Variants in HNRNPDL observed in about 807,000 individuals in gnomAD.
The protein encoded by HNRNPDL is heterogeneous nuclear ribonucleoprotein D-like.
A neutral mutation model predicts 48.0 loss-of-function variants in HNRNPDL; 18 were observed. The ratio of observed to expected loss-of-function variants is 0.38; its 90% CI spans 0.26 to 0.56. The LOEUF is 0.56. HNRNPDL is among the 20% of genes least tolerant of loss of function. HNRNPDL has a pLI of 0.77. For missense variants in HNRNPDL, 553 were observed against 540.7 expected (o/e 1.02, Z -0.23); for synonymous variants, 306 against 207.3 (o/e 1.48, Z -4.09).
At position 82,424,735 on chromosome 4, in the gene HNRNPDL, AAAC is replaced by A. The variant is rs1721347312; in HGVS notation, c.*168_*170del. 6.6e-6 allele frequency: 1 copy of A among 152,608 alleles called. No homozygotes were observed. The highest frequency in any genetic ancestry group is 6.5e-5 in the Admixed American group (1 of 15,294). 9.5% of individuals were successfully genotyped at this position (152,608 alleles called of 1,614,324 possible). A position where few individuals can be genotyped will look rare whatever the true frequency, so the allele number is the denominator to read the frequency against. Reference sequence around the variant, plus strand: ...ACACAGATAGCAAAGGACAAAGTAAAAACAAAGAAAACTAATTGGCAGCTATAT... The same window carrying A: ...ACACAGATAGCAAAGGACAAAGTAAAAAAGAAAACTAATTGGCAGCTATAT... On this transcript the variant is annotated 3_prime_UTR_variant, in exon 8 of 8. Coordinates refer to ENST00000295470, the MANE Select transcript of HNRNPDL (RefSeq NM_031372.4).
At chr4:82,426,745 A>G (rs1721428212) in intron 5 of HNRNPDL, 112 bp from the exon 6 acceptor site, 2 of 832,878 alleles carry the variant, frequency 2.4e-6, no homozygotes, top group African/African-American at 1.7e-5. Context: ...GAATGGACAT[A>G]TATATTGCTA....
Position 82,426,652 on chromosome 4 carries a change from A to G in HNRNPDL, c.1022-19T>C. 5.6e-6 allele frequency: 9 copies of G among 1,609,098 alleles called. No individual in the cohort carries two copies. Among genetic ancestry groups the G allele is most frequent in the Non-Finnish European group, 7.7e-6 (9 of 1,176,074 alleles). ...CCCTGACCTGAAACAATGCACAATGATTGTTAGGAAACAACTTCTGACCCC... is the reference window on the plus strand; with the variant it reads ...CCCTGACCTGAAACAATGCACAATGGTTGTTAGGAAACAACTTCTGACCCC... On this transcript the variant is annotated intron_variant, in intron 5 of 7. Coordinates refer to ENST00000295470, the MANE Select transcript of HNRNPDL (RefSeq NM_031372.4).
chr4:82,429,103 C>T, intron 1 of HNRNPDL, 145 bp downstream of exon 1: 2 of 744,746 alleles, frequency 2.7e-6, no homozygotes, highest in East Asian at 2.6e-5. Flanking sequence ...CTCTTACTTT[C>T]CTCTTCCCTC....
rs1447722708 is a variant in HNRNPDL, at chr4:82,429,587, G to GGCGGCC, written c.98_103dup (p.Arg33_Pro34dup). 102 of 1,379,682 alleles carry GGCGGCC rather than the reference G, an allele frequency of 7.4e-5. No homozygotes were observed. In the African/African-American group the frequency reaches 1.2e-3, roughly 17 times the overall value. 85.5% of individuals were successfully genotyped at this position (1,379,682 alleles called of 1,614,324 possible). ...AGGGAGGAGCGGGGCTAGCTGCCGC[G>GGCGGCC]GCGGCCGCGGCCGCCAATGGGAGAG... On this transcript the variant is annotated inframe_insertion, in exon 1 of 8. Coordinates refer to ENST00000295470, the MANE Select transcript of HNRNPDL (RefSeq NM_031372.4).
At chr4:82,428,548 A>G in intron 1 of HNRNPDL, 102 bp from the exon 2 acceptor site, 2 of 859,994 alleles carry the variant, frequency 2.3e-6, no homozygotes, top group Non-Finnish European at 3.5e-6. Flanking sequence ...TTACCCCCTA[A>G]GTGTAGGCAA....
chr4:82,429,144 G>A (rs1001292739), intron 1 of HNRNPDL, 104 bp downstream of exon 1: 4 of 1,062,870 alleles, frequency 3.8e-6, no homozygotes, highest in Admixed American at 1.7e-5. Context: ...GGCACGCGGG[G>A]AATCGACTCT....
chr4:82,429,199 G>T, intron 1 of HNRNPDL, 49 bp downstream of exon 1: 1 of 1,560,704 alleles, frequency 6.4e-7, no homozygotes, highest in Non-Finnish European at 8.8e-7. Flanking sequence ...AACGAAGGGC[G>T]CGTGCGGCGC....
In HNRNPDL at chr4:82,429,398, G is replaced by A. The variant is rs781616451; in HGVS notation, c.293C>T (p.Ser98Phe). ...RHFKSSSIQR[S>F]AAAAAATRTA... ...CCGGGTCGCGGCAGCAGCGGCGGCG[G>A]AGCGTTGTATGGAGCTGGATTTAAA... is the stretch of plus-strand genomic sequence containing the variant. The change falls in exon 1 of 8, where the codon TCC (serine) becomes TTC (phenylalanine). Residue 98 changes from serine to phenylalanine, a missense_variant. This residue lies in a region of HNRNPDL where 327 missense variants were observed against 203.2 expected (regional missense o/e 1.61). Coordinates refer to ENST00000295470, the MANE Select transcript of HNRNPDL (RefSeq NM_031372.4). The A allele has an allele frequency of 2.5e-6, 4 of 1,613,460 alleles. No individual in the cohort carries two copies. Among genetic ancestry groups the A allele is most frequent in the Non-Finnish European group, 3.4e-6 (4 of 1,179,828 alleles).
At chr4:82,427,687 G>C in intron 3 of HNRNPDL, 123 bp from the exon 4 acceptor site, 1 of 831,728 alleles carries the variant, frequency 1.2e-6, no homozygotes, top group East Asian at 2.5e-5. Context: ...CTTCTATACA[G>C]ACATCACTGC....
Position 82,423,449 on chromosome 4 carries a change from CAA to C in HNRNPDL, c.*1455_*1456del, listed in dbSNP as rs757652663. 1.3e-5 allele frequency: 2 copies of C among 151,154 alleles called. No homozygotes were observed. Among genetic ancestry groups the C allele is most frequent in the African/African-American group, 4.9e-5 (2 of 41,072 alleles). The allele number at this position is 151,154 out of a possible 1,614,324, so 9.4% of individuals were successfully genotyped here. Reference sequence around the variant, plus strand: ...AAGTTTAAGAATAGCAAAACAGCAGCAAAAAAGAGGCCAAGAGCATTATAATG... The same window carrying C: ...AAGTTTAAGAATAGCAAAACAGCAGCAAAAGAGGCCAAGAGCATTATAATG... On this transcript the variant is annotated 3_prime_UTR_variant, in exon 8 of 8. Coordinates refer to ENST00000295470, the MANE Select transcript of HNRNPDL (RefSeq NM_031372.4).
chr4:82,429,310 G>A lies in HNRNPDL; in HGVS notation c.381C>T (p.Ser127=), dbSNP rs779169039. 6.2e-7 allele frequency: 1 copy of A among 1,613,890 alleles called. No homozygotes were observed. Among genetic ancestry groups the A allele is most frequent in the East Asian group, 2.2e-5 (1 of 44,858 alleles). Residue 127 remains serine, a synonymous_variant, in exon 1 of 8, where the codon AGC becomes AGT. Coordinates refer to ENST00000295470, the MANE Select transcript of HNRNPDL (RefSeq NM_031372.4). ...SVTMEDMNEY[S]NIEEFAEGSK... ...ATCCCTCTGCGAATTCCTCTATATTGCTGTACTCGTTCATATCCTCCATAG... is the reference window on the plus strand; with the variant it reads ...ATCCCTCTGCGAATTCCTCTATATTACTGTACTCGTTCATATCCTCCATAG...
At position 82,423,156 on chromosome 4, in the gene HNRNPDL, T is replaced by C. The variant is rs758811072; in HGVS notation, c.*1750A>G. The C allele has an allele frequency of 6.6e-6, 1 of 152,140 alleles. No individual in the cohort carries two copies. The highest frequency in any genetic ancestry group is 2.4e-5 in the African/African-American group (1 of 41,426). The allele number at this position is 152,140 out of a possible 1,614,324, so 9.4% of individuals were successfully genotyped here. On this transcript the variant is annotated 3_prime_UTR_variant, in exon 8 of 8. Transcript: ENST00000295470. ...AAAACATCTCAATCATCTCTAGATGTAGTGTATTTTTTCTCAGTCATACAT... is the reference window on the plus strand; with the variant it reads ...AAAACATCTCAATCATCTCTAGATGCAGTGTATTTTTTCTCAGTCATACAT...
intron 7 of HNRNPDL, chr4:82,425,792 C>A: frequency 2.2e-6 from 1 of 444,760 alleles, no homozygotes; most frequent in Non-Finnish European, 4.0e-6. Flanking sequence ...TCCTCTAGAC[C>A]ACCTGGTACA....
At position 82,429,493 on chromosome 4, in the gene HNRNPDL, G is replaced by C; in HGVS notation, c.198C>G (p.Pro66=). 6.4e-7 allele frequency: 1 copy of C among 1,558,984 alleles called. No individual in the cohort carries two copies. The highest frequency in any genetic ancestry group is 8.7e-7 in the Non-Finnish European group (1 of 1,152,340). The change falls in exon 1 of 8, where the codon CCC becomes CCG. Residue 66 remains proline (P), a synonymous_variant. Coordinates refer to ENST00000295470, the MANE Select transcript of HNRNPDL (RefSeq NM_031372.4). The stretch of plus-strand genomic sequence containing the variant: ...TAGCCGCCCCGCCCGCCAATCGGGA[G>C]GGCTGCTGGGCGGTGACGTGGCGCT... The part of the protein sequence containing the change: ...RAQRHVTAQQ[P]SRLAGGAAIK...
intron 5 of HNRNPDL, 98 bp from the exon 6 acceptor site, chr4:82,426,731 G>T: frequency 1.0e-6 from 1 of 980,298 alleles, no homozygotes; most frequent in Admixed American, 1.9e-5. Flanking sequence ...AATCTTAAAG[G>T]GCAGAATGGA....
rs1168770429 is a variant in HNRNPDL at position 82,429,564 on chromosome 4, G to T, written c.127C>A (p.Pro43Thr). The T allele has an allele frequency of 3.5e-6, 5 of 1,428,380 alleles. No homozygotes were observed. In the African/African-American group the frequency reaches 7.6e-5, roughly 22 times the overall value. 88.5% of individuals were successfully genotyped at this position (1,428,380 alleles called of 1,614,324 possible). A position where few individuals can be genotyped will look rare whatever the true frequency, so the allele number is the denominator to read the frequency against. The change falls in exon 1 of 8, where the codon CCT (proline) becomes ACT (threonine). Residue 43 changes from proline to threonine, a missense_variant. Physicochemically the swap from Pro to Thr is conservative, Grantham distance 38 (BLOSUM62 -1). Coordinates refer to ENST00000295470, the MANE Select transcript of HNRNPDL (RefSeq NM_031372.4). ...RPPRQLAPLL[P>T]SLAPSSARQG... ...CGGGCGGAGCTGGGAGCGAGCGAAGGGAGGAGCGGGGCTAGCTGCCGCGGC... is the reference window on the plus strand; with the variant it reads ...CGGGCGGAGCTGGGAGCGAGCGAAGTGAGGAGCGGGGCTAGCTGCCGCGGC...
chr4:82,423,438 C>G lies in HNRNPDL; in HGVS notation c.*1468G>C, dbSNP rs974891907. On this transcript the variant is annotated 3_prime_UTR_variant, in exon 8 of 8. Transcript: ENST00000295470. Reference sequence around the variant, plus strand: ...GTACTTGGCCTAAGTTTAAGAATAGCAAAACAGCAGCAAAAAAGAGGCCAA... The same window carrying G: ...GTACTTGGCCTAAGTTTAAGAATAGGAAAACAGCAGCAAAAAAGAGGCCAA... 1 of 151,602 alleles carries G rather than the reference C, an allele frequency of 6.6e-6. No individual in the cohort carries two copies. Among genetic ancestry groups the G allele is most frequent in the Non-Finnish European group, 1.5e-5 (1 of 67,954 alleles). The allele number at this position is 151,602 out of a possible 1,614,324, so 9.4% of individuals were successfully genotyped here. A position where few individuals can be genotyped will look rare whatever the true frequency, so the allele number is the denominator to read the frequency against.
chr4:82,426,518 A>G lies in HNRNPDL; in HGVS notation c.1137T>C (p.Tyr379=), dbSNP rs1721416588. The change falls in exon 6 of 8, where the codon TAT becomes TAC. Residue 379 remains tyrosine (Y), a synonymous_variant. Transcript: ENST00000295470. ...QNYSGYGGYD[Y]TGYNYGNYGY... Reference sequence around the variant, plus strand: ...CATAGTTCCCATAGTTATACCCAGTATAATCATATCCGCCATAGCCACTAT... The same window carrying G: ...CATAGTTCCCATAGTTATACCCAGTGTAATCATATCCGCCATAGCCACTAT... 6.2e-7 allele frequency: 1 copy of G among 1,612,928 alleles called. No individual in the cohort carries two copies. Among genetic ancestry groups the G allele is most frequent in the Admixed American group, 1.7e-5 (1 of 60,012 alleles).
chr4:82,427,689 C>T, intron 3 of HNRNPDL, 125 bp from the exon 4 acceptor site: 3 of 821,580 alleles, frequency 3.7e-6, no homozygotes, highest in Admixed American at 5.4e-5. Flanking sequence ...TCTATACAGA[C>T]ATCACTGCTT....
Sources: allele counts gnomAD v4.1 joint callset, GRCh38; gene constraint gnomAD v4.1.1; regional missense constraint gnomAD v4.1.1; transcripts MANE v1.5; gene names NCBI Gene and HGNC (gene_info 2026-07-23, HGNC 2026-07-21).